The following SRGAP3 variants were observed in gnomAD, a reference collection of about 807,000 sequenced individuals.
SRGAP3 encodes the protein SLIT-ROBO Rho GTPase-activating protein 3.
Under a neutral mutation model 121.1 loss-of-function variants are expected in SRGAP3, and 39 were observed. That is an observed-to-expected ratio of 0.32 (90% CI 0.25 to 0.42). The LOEUF is 0.42. Among genes scored for constraint, SRGAP3 ranks in the 10% least tolerant of loss-of-function variants. SRGAP3 has a pLI of 1.00. For missense variants in SRGAP3, 1,213 were observed against 1,470.6 expected (o/e 0.82, Z 2.86); for synonymous variants, 601 against 570.0 (o/e 1.05, Z -0.77).
chr3:9,203,983 G>A (rs536655187), intron 1 of SRGAP3, among the ~76,000 whole-genome samples: 63 of 152,172 alleles, frequency 4.1e-4, no homozygotes, highest in Non-Finnish European at 7.5e-4. Flanking sequence ...ATTCCCCCAC[G>A]CCCCACCAAA....
At chr3:9,045,226 C>G (rs1311648815) in intron 10 of SRGAP3, among the ~76,000 whole-genome samples, 1 of 151,320 alleles carries the variant, frequency 6.6e-6, no homozygotes, top group African/African-American at 2.4e-5. Context: ...TAGAACTGAC[C>G]AGTCTATCAA....
upstream of SRGAP3, among the ~76,000 whole-genome samples, chr3:9,252,207 C>T (rs1045524871): frequency 3.9e-5 from 6 of 152,124 alleles, no homozygotes; most frequent in African/African-American, 1.4e-4. Flanking sequence ...GCACCTTCCA[C>T]CATGATTGGA....
intron 1 of SRGAP3, among the ~76,000 whole-genome samples, chr3:9,247,626 G>T (rs113342128): frequency 6.6e-6 from 1 of 152,156 alleles, no homozygotes; most frequent in Non-Finnish European, 1.5e-5. Context: ...TTGCAGCAGC[G>T]CCCAGAAGCA....
chr3:9,031,403 T>G (rs1320704682), intron 12 of SRGAP3, among the ~76,000 whole-genome samples: 1 of 152,162 alleles, frequency 6.6e-6, no homozygotes, highest in African/African-American at 2.4e-5. Context: ...CTGATCTTCC[T>G]TCCTGATGCA....
chr3:9,264,977 T>C (rs1242464042), intron 3 of SRGAP3, among the ~76,000 whole-genome samples: 1 of 152,176 alleles, frequency 6.6e-6, no homozygotes, highest in Non-Finnish European at 1.5e-5. Flanking sequence ...CAAATTATAC[T>C]ACAAGGCTAC....
intron 20 of SRGAP3, chr3:8,992,594 A>C (rs964830864): frequency 8.4e-6 from 4 of 475,760 alleles, no homozygotes; most frequent in Non-Finnish European, 1.5e-5. Flanking sequence ...AGGTGCAGGA[A>C]CTGGACACAG....
intron 10 of SRGAP3, among the ~76,000 whole-genome samples, chr3:9,044,661 T>C (rs1378054236): frequency 6.6e-6 from 1 of 152,204 alleles, no homozygotes. Context: ...ATAGCCCTCA[T>C]ACGGCATAAA....
chr3:9,023,363 A>G (rs1944019986), intron 14 of SRGAP3, among the ~76,000 whole-genome samples: 2 of 152,250 alleles, frequency 1.3e-5, no homozygotes, highest in Admixed American at 6.5e-5. Flanking sequence ...CAGAGCAATG[A>G]CAAATGATAC....
chr3:9,002,073 C>CA (rs1404924436), intron 18 of SRGAP3, among the ~76,000 whole-genome samples: 1 of 152,102 alleles, frequency 6.6e-6, no homozygotes, highest in Non-Finnish European at 1.5e-5. Context: ...ACCTAACAGG[C>CA]ATGTATAGAA....
chr3:9,173,542 A>C (rs1444375418), intron 1 of SRGAP3, among the ~76,000 whole-genome samples: 1 of 152,192 alleles, frequency 6.6e-6, no homozygotes, highest in Admixed American at 6.5e-5. Context: ...GGAGAAGATG[A>C]TGGGGAGAGG....
intron 9 of SRGAP3, among the ~76,000 whole-genome samples, chr3:9,050,396 G>A (rs933041907): frequency 2.0e-5 from 3 of 152,166 alleles, no homozygotes; most frequent in South Asian, 2.1e-4. Context: ...ACTGGTTAGC[G>A]CAAATTACAG....
chr3:9,176,331 G>C (rs1341040887), intron 1 of SRGAP3, among the ~76,000 whole-genome samples: 1 of 152,164 alleles, frequency 6.6e-6, no homozygotes, highest in African/African-American at 2.4e-5. Context: ...TGCATATGAA[G>C]GGCCTCATAG....
chr3:9,325,718 C>A (rs1440173242), intron 3 of SRGAP3, among the ~76,000 whole-genome samples: 2 of 151,922 alleles, frequency 1.3e-5, no homozygotes, highest in Non-Finnish European at 2.9e-5. Flanking sequence ...AACGTATGTA[C>A]CACTAAGGTT....
chr3:9,297,489 TCCTAGTACCTCA>T (rs1170524483), intron 3 of SRGAP3, among the ~76,000 whole-genome samples: 1 of 152,104 alleles, frequency 6.6e-6, no homozygotes, highest in Non-Finnish European at 1.5e-5. Context: ...AAATCCTAAC[TCCTAGTACCTCA>T]GAATGTGACT....
chr3:9,129,468 CAA>C (rs750384100), intron 1 of SRGAP3, among the ~76,000 whole-genome samples: 68 of 68,932 alleles, frequency 9.9e-4, no homozygotes, highest in Admixed American at 1.7e-3. Flanking sequence ...GGTAGGTAAG[CAA>C]AAAAAAAAAA....
At chr3:9,292,081 G>T (rs1381411962) in intron 3 of SRGAP3, among the ~76,000 whole-genome samples, 1 of 152,160 alleles carries the variant, frequency 6.6e-6, no homozygotes, top group Non-Finnish European at 1.5e-5. Context: ...TAGTGATTCT[G>T]TTTTGTTTTT....
intron 3 of SRGAP3, among the ~76,000 whole-genome samples, chr3:9,097,779 G>A (rs1361286300): frequency 6.6e-6 from 1 of 152,198 alleles, no homozygotes; most frequent in African/African-American, 2.4e-5. Flanking sequence ...GCCTCTTTTA[G>A]AGGGAGCCCA....
upstream of SRGAP3, among the ~76,000 whole-genome samples, chr3:9,251,283 C>T (rs145104332): frequency 3.1e-4 from 47 of 152,208 alleles, no homozygotes; most frequent in East Asian, 1.4e-3. Flanking sequence ...GCCTTGTACC[C>T]GGAGGCAGGA....
chr3:9,057,649 G>A (rs1051400581), intron 7 of SRGAP3, among the ~76,000 whole-genome samples: 1 of 152,220 alleles, frequency 6.6e-6, no homozygotes, highest in African/African-American at 2.4e-5. Context: ...CCAATGCCCC[G>A]AGGGAGCAGT....
Sources: gnomAD v4.1 joint callset for allele counts (sites outside exome capture counted in the v4.1 genomes callset) on GRCh38, gnomAD v4.1.1 for gene constraint, MANE v1.5 for transcripts, NCBI Gene and HGNC (gene_info 2026-07-23, HGNC 2026-07-21) for gene names.